CELSR2: variants seen among roughly 807,000 people sequenced by gnomAD.
CELSR2 encodes the protein EGF-like protein 2.
Under a neutral mutation model 251.6 loss-of-function variants are expected in CELSR2, and 81 were observed. That is an observed-to-expected ratio of 0.32 (90% CI 0.27 to 0.39). The LOEUF is 0.39. Ranked by LOEUF, CELSR2 falls within the 10% of genes least tolerant of loss-of-function variation. The pLI is 1.00. For missense variants in CELSR2, 3,365 were observed against 3,947.7 expected (o/e 0.85, Z 3.96); for synonymous variants, 1,721 against 1,670.5 (o/e 1.03, Z -0.74).
rs1232091909 is a variant in CELSR2 at position 109,269,479 on chromosome 1, G to T, written c.6868G>T (p.Asp2290Tyr). Residue 2290 changes from aspartate (D) to tyrosine (Y), a missense_variant, in exon 21 of 34, where the codon GAT becomes TAT. Physicochemically the swap from Asp to Tyr is radical, Grantham distance 160. Transcript: ENST00000271332. This position sits in a 1 kb window ranked among gnomAD's most constrained non-coding sequence, Gnocchi z 6.4. ...CGTGGTGAGCATCAGCGTCCATGATGATGAGGAGCTTCTGCCCCGGGCCCT... is the reference window on the plus strand; with the variant it reads ...CGTGGTGAGCATCAGCGTCCATGATTATGAGGAGCTTCTGCCCCGGGCCCT... Reference protein sequence around the residue: ...TPVVSISVHDDEELLPRALDK... With the variant: ...TPVVSISVHDYEELLPRALDK... The T allele has an allele frequency of 1.2e-6, 2 of 1,614,120 alleles. No individual in the cohort carries two copies. The highest frequency in any genetic ancestry group is 4.5e-5 in the East Asian group (2 of 44,882).
rs747001555 is a variant in CELSR2, at chr1:109,259,073, T to C, written c.3952T>C (p.Tyr1318His). 1.9e-6 allele frequency: 3 copies of C among 1,578,832 alleles called. No homozygotes were observed. The highest frequency in any genetic ancestry group is 1.7e-6 in the Non-Finnish European group (2 of 1,166,902). ...CTACACCTGCCTCTGTCGTGATGGC[T>C]ACACGGGTGAGCCAAGGGAGGGGAC... ...GGYTCLCRDGYTGEHCEVSAR... is the reference protein window; with the variant it reads ...GGYTCLCRDGHTGEHCEVSAR... The change falls in exon 2 of 34, where the codon TAC (tyrosine) becomes CAC (histidine). Residue 1318 changes from tyrosine (Y) to histidine (H), a missense_variant. Physicochemically the swap from Tyr to His is moderately conservative, Grantham distance 83. Coordinates refer to ENST00000271332, the MANE Select transcript of CELSR2 (RefSeq NM_001408.3).
Position 109,262,966 on chromosome 1 carries a change from C to G in CELSR2, c.4705C>G (p.Pro1569Ala). 6.2e-7 allele frequency: 1 copy of G among 1,612,102 alleles called. No homozygotes were observed. Among genetic ancestry groups the G allele is most frequent in the South Asian group, 1.1e-5 (1 of 91,050 alleles). ...CTTCATTGCCAACAATGGCACCGTG[C>G]CTGGTATGGGGGCCCGGGGTGGAGC... Reference protein sequence around the residue: ...ADFIANNGTVPGCPAKKNVCD... With the variant: ...ADFIANNGTVAGCPAKKNVCD... The change falls in exon 7 of 34, where the codon CCT becomes GCT. Residue 1569 changes from proline (P) to alanine (A), a missense_variant. By Grantham distance (27) the Pro-to-Ala change is conservative. Around this residue, in one of 5 missense-constraint regions of CELSR2, gnomAD observed 2,093 missense variants for 2,382.8 expected, o/e 0.88. Transcript: ENST00000271332.
rs1176381555 is a variant in CELSR2, at chr1:109,267,801, G to A, written c.6109-50G>A. ...GTCTCTCACCTCCTGAGGTCCTTTT[G>A]CTCCAGAGTTCCTGCCCTCACTCCT... On this transcript the variant is annotated intron_variant, in intron 16 of 33. Transcript: ENST00000271332. 10 of 1,584,180 alleles carry A rather than the reference G, an allele frequency of 6.3e-6. No individual in the cohort carries two copies. In the Admixed American group the frequency reaches 8.4e-5, roughly 13 times the overall value.
rs542791167 is a variant in CELSR2, at chr1:109,269,368, G to A, written c.6813-56G>A. ...CTGAGGCATGGAGGGGGTCGGGGGC[G>A]TCTCCCCAGTCATGTGACTGCCGTG... On this transcript the variant is annotated intron_variant, in intron 20 of 33. Transcript: ENST00000271332. This position sits in a 1 kb window ranked among gnomAD's most constrained non-coding sequence, Gnocchi z 6.4. The A allele has an allele frequency of 7.8e-5, 125 of 1,608,596 alleles. 2 individuals carry two copies. In the South Asian group the frequency reaches 1.1e-3, roughly 14 times the overall value.
rs1329083144 is a variant in CELSR2, at chr1:109,251,596, T to C, written c.1517T>C (p.Val506Ala). The change falls in exon 1 of 34, where the codon GTC becomes GCC. Residue 506 changes from valine to alanine, a missense_variant. Val to Ala is a moderately conservative substitution (Grantham distance 64). Coordinates refer to ENST00000271332, the MANE Select transcript of CELSR2 (RefSeq NM_001408.3). The surrounding 1 kb of genome is among the most constrained non-coding windows in gnomAD (Gnocchi z 4.9). ...ATCAACGACAATGCCCCCATCTTCG[T>C]CAGCACCCCTTTCCAGGCTACTGTC... The part of the protein sequence containing the change: ...LDINDNAPIF[V>A]STPFQATVLE... 3 of 1,613,858 alleles carry C rather than the reference T, an allele frequency of 1.9e-6. No individual in the cohort carries two copies. In the South Asian group the frequency reaches 3.3e-5, roughly 18 times the overall value.
chr1:109,250,562 G>T lies in CELSR2; in HGVS notation c.483G>T (p.Arg161Ser), dbSNP rs747898778. 1.9e-6 allele frequency: 3 copies of T among 1,613,912 alleles called. No individual in the cohort carries two copies. The part of the protein sequence containing the change: ...AQAPGLRAGE[R>S]SPEESLGGRR... Reference sequence around the variant, plus strand: ...CCCCCGGGCTCAGGGCAGGGGAAAGGTCACCAGAAGAGTCCCTGGGTGGGC... The same window carrying T: ...CCCCCGGGCTCAGGGCAGGGGAAAGTTCACCAGAAGAGTCCCTGGGTGGGC... The change falls in exon 1 of 34, where the codon AGG (arginine) becomes AGT (serine). Residue 161 changes from arginine to serine, a missense_variant. Physicochemically the swap from Arg to Ser is moderately radical, Grantham distance 110. This residue lies in a region of CELSR2 where 704 missense variants were observed against 784.1 expected (regional missense o/e 0.90). Coordinates refer to ENST00000271332, the MANE Select transcript of CELSR2 (RefSeq NM_001408.3). The surrounding 1 kb of genome is among the most constrained non-coding windows in gnomAD (Gnocchi z 4.4).
At position 109,271,799 on chromosome 1, in the gene CELSR2, C is replaced by T. The variant is rs1570794588; in HGVS notation, c.7926+77C>T. On this transcript the variant is annotated intron_variant, in intron 28 of 33. Coordinates refer to ENST00000271332, the MANE Select transcript of CELSR2 (RefSeq NM_001408.3). ...GGCCCAGTGAGCCTGTACTTTTGGC[C>T]CCACTCCCCTTTCTCTTTTCTCCAT... 5.9e-6 allele frequency: 9 copies of T among 1,532,582 alleles called. No individual in the cohort carries two copies. In the East Asian group the frequency reaches 2.1e-4, roughly 36 times the overall value. 94.9% of individuals were successfully genotyped at this position (1,532,582 alleles called of 1,614,324 possible). A position where few individuals can be genotyped will look rare whatever the true frequency, so the allele number is the denominator to read the frequency against.
At chr1:109,270,658 A>C in intron 24 of CELSR2, 58 bp downstream of exon 24, 2 of 1,576,720 alleles carry the variant, frequency 1.3e-6, no homozygotes, top group East Asian at 2.3e-5. Context: ...CCTTTGTGCC[A>C]TGTTCTCTCC....
rs1441268100 is a variant in CELSR2 at position 109,267,618 on chromosome 1, C to T, written c.6084C>T (p.Ile2028=). 1 of 1,614,206 alleles carries T rather than the reference C, an allele frequency of 6.2e-7. No individual in the cohort carries two copies. The highest frequency in any genetic ancestry group is 1.1e-5 in the South Asian group (1 of 91,090). Residue 2028 remains isoleucine, a synonymous_variant, in exon 16 of 34, where the codon ATC becomes ATT. Transcript: ENST00000271332. Reference sequence around the variant, plus strand: ...CAAACCTCTTCAACTGCACGTCCATCACCTTCTCAGAACTGAAGGGCTTCG... The same window carrying T: ...CAAACCTCTTCAACTGCACGTCCATTACCTTCTCAGAACTGAAGGGCTTCG... ...LPPNLFNCTS[I]TFSELKGFAE...
rs369051823 is a variant in CELSR2, at chr1:109,258,711, C to T, written c.3590C>T (p.Pro1197Leu). 22 of 1,552,694 alleles carry T rather than the reference C, an allele frequency of 1.4e-5. No individual in the cohort carries two copies. The highest frequency in any genetic ancestry group is 1.4e-5 in the Non-Finnish European group (16 of 1,147,942). Reference sequence around the variant, plus strand: ...CAGCCGCCAGGGCCCGGGGGCGGGCCGCCCTTCCTGCCCTCTGAGGACCTG... The same window carrying T: ...CAGCCGCCAGGGCCCGGGGGCGGGCTGCCCTTCCTGCCCTCTGAGGACCTG... ...VGQPPGPGGG[P>L]PFLPSEDLQE... The change falls in exon 2 of 34, where the codon CCG becomes CTG. Residue 1197 changes from proline (P) to leucine (L), a missense_variant. By Grantham distance (98) the Pro-to-Leu change is moderately conservative. Around this residue, in one of 5 missense-constraint regions of CELSR2, gnomAD observed 2,093 missense variants for 2,382.8 expected, o/e 0.88. Transcript: ENST00000271332.
At position 109,274,364 on chromosome 1, in the gene CELSR2, G is replaced by T; in HGVS notation, c.*315G>T. Reference sequence around the variant, plus strand: ...GGATCTCCACTCTTCATGACTTCAGGGATTCATTTTTTTTATACGCTGGAA... The same window carrying T: ...GGATCTCCACTCTTCATGACTTCAGTGATTCATTTTTTTTATACGCTGGAA... On this transcript the variant is annotated 3_prime_UTR_variant, in exon 34 of 34. Transcript: ENST00000271332. 4.3e-6 allele frequency: 2 copies of T among 468,704 alleles called. No homozygotes were observed. Among genetic ancestry groups the T allele is most frequent in the South Asian group, 4.3e-5 (1 of 23,414 alleles). 29.0% of individuals were successfully genotyped at this position (468,704 alleles called of 1,614,324 possible). A position where few individuals can be genotyped will look rare whatever the true frequency, so the allele number is the denominator to read the frequency against.
rs761151139 is a variant in CELSR2 at position 109,263,618 on chromosome 1, C to G, written c.4842C>G (p.Ala1614=). 1 of 1,613,728 alleles carries G rather than the reference C, an allele frequency of 6.2e-7. No homozygotes were observed. Among genetic ancestry groups the G allele is most frequent in the Admixed American group, 1.7e-5 (1 of 59,990 alleles). Residue 1614 remains alanine, a synonymous_variant, in exon 9 of 34, where the codon GCC becomes GCG. Coordinates refer to ENST00000271332, the MANE Select transcript of CELSR2 (RefSeq NM_001408.3). The part of the protein sequence containing the change: ...FGGKSCAQEM[A]NPQHFLGSSL... ...CTTTTCCTGCCTCCCCAGAAATGGC[C>G]AATCCACAGCACTTCCTGGGCAGCA... is the stretch of plus-strand genomic sequence containing the variant.
rs368529772 is a variant in CELSR2 at position 109,268,989 on chromosome 1, G to A, written c.6612G>A (p.Leu2204=). The change falls in exon 19 of 34, where the codon CTG becomes CTA. Residue 2204 remains leucine, a synonymous_variant. Transcript: ENST00000271332. ...CGGACCTTGAGACAACAGTCATTCT[G>A]CCTGAGTCTGTCTTCAGAGGTCAGT... is the stretch of plus-strand genomic sequence containing the variant. The part of the protein sequence containing the change: ...QPPDLETTVI[L]PESVFRETPP... The A allele has an allele frequency of 5.2e-5, 84 of 1,612,526 alleles. 1 individual carries two copies. The Middle Eastern group carries it at 3.1e-3, about 60-fold the overall frequency.
chr1:109,253,390 G>A lies in CELSR2; in HGVS notation c.3310+1G>A. Reference sequence around the variant, plus strand: ...GCCATCATGAGCGTGCTGGTGTCAGGTAAGGAAGGGCCCAGGTGGCGCTGG... The same window carrying A: ...GCCATCATGAGCGTGCTGGTGTCAGATAAGGAAGGGCCCAGGTGGCGCTGG... On this transcript the variant is annotated splice_donor_variant, in intron 1 of 33. Transcript: ENST00000271332. LOFTEE classifies it high-confidence loss of function. 6.2e-7 allele frequency: 1 copy of A among 1,611,048 alleles called. No individual in the cohort carries two copies. The highest frequency in any genetic ancestry group is 8.5e-7 in the Non-Finnish European group (1 of 1,179,122).
chr1:109,264,151 G>A lies in CELSR2; in HGVS notation c.5075G>A (p.Gly1692Asp), dbSNP rs149362463. ...GCCTCCTCTCTCCGTCTGGAGCCAG[G>A]CCGGGCCAATGACGGTGACTGGCAC... ...LQASSLRLEP[G>D]RANDGDWHHA... The change falls in exon 10 of 34, where the codon GGC becomes GAC. Residue 1692 changes from glycine to aspartate, a missense_variant. Physicochemically the swap from Gly to Asp is moderately conservative, Grantham distance 94. Coordinates refer to ENST00000271332, the MANE Select transcript of CELSR2 (RefSeq NM_001408.3). 612 of 1,609,322 alleles carry A rather than the reference G, an allele frequency of 3.8e-4. No homozygotes were observed. The highest frequency in any genetic ancestry group is 4.9e-4 in the Non-Finnish European group (572 of 1,176,860).
chr1:109,274,240 C>G lies in CELSR2; in HGVS notation c.*191C>G. ...CCCACCTAAGGCCATCTAGTGCCAA[C>G]TCCCCCCCCACCATTCCCCTCACTG... On this transcript the variant is annotated 3_prime_UTR_variant, in exon 34 of 34. Transcript: ENST00000271332. The G allele has an allele frequency of 2.2e-6, 3 of 1,377,428 alleles. No homozygotes were observed. Among genetic ancestry groups the G allele is most frequent in the Non-Finnish European group, 2.9e-6 (3 of 1,037,992 alleles). The allele number at this position is 1,377,428 out of a possible 1,614,324, so 85.3% of individuals were successfully genotyped here.
Position 109,270,250 on chromosome 1 carries a change from C to T in CELSR2, c.7308+117C>T, listed in dbSNP as rs927476987. 9.9e-6 allele frequency: 13 copies of T among 1,308,608 alleles called. No individual in the cohort carries two copies. In the African/African-American group the frequency reaches 1.2e-4, roughly 12 times the overall value. 81.1% of individuals were successfully genotyped at this position (1,308,608 alleles called of 1,614,324 possible). On this transcript the variant is annotated intron_variant, in intron 23 of 33. Coordinates refer to ENST00000271332, the MANE Select transcript of CELSR2 (RefSeq NM_001408.3). ...TCTAATAAGGTGCCTAGTGCAGCAC[C>T]TGGCCCAGGGTTTCCTCTTCTGTGG...
chr1:109,258,954 C>T lies in CELSR2; in HGVS notation c.3833C>T (p.Pro1278Leu). 6.2e-7 allele frequency: 1 copy of T among 1,611,458 alleles called. No individual in the cohort carries two copies. Among genetic ancestry groups the T allele is most frequent in the Non-Finnish European group, 8.5e-7 (1 of 1,179,616 alleles). ...GGAGGGCTGCGCTGCCGCTGCCCGCCCGGCTTCACGGGTGACTACTGCGAG... is the reference window on the plus strand; with the variant it reads ...GGAGGGCTGCGCTGCCGCTGCCCGCTCGGCTTCACGGGTGACTACTGCGAG... ...PVGGLRCRCP[P>L]GFTGDYCETE... The change falls in exon 2 of 34, where the codon CCC (proline) becomes CTC (leucine). Residue 1278 changes from proline (P) to leucine (L), a missense_variant. Pro to Leu is a moderately conservative substitution (Grantham distance 98). Around this residue, in one of 5 missense-constraint regions of CELSR2, gnomAD observed 2,093 missense variants for 2,382.8 expected, o/e 0.88. Transcript: ENST00000271332.
Position 109,271,270 on chromosome 1 carries a change from G to T in CELSR2, c.7650G>T (p.Arg2550=), listed in dbSNP as rs1268505523. 4 of 1,614,018 alleles carry T rather than the reference G, an allele frequency of 2.5e-6. No homozygotes were observed. Among genetic ancestry groups the T allele is most frequent in the East Asian group, 2.2e-5 (1 of 44,864 alleles). ...LAARASCAAQ[R]QGFEKKGPVS... is the part of the protein sequence containing the mutation. ...CCCGGGCCTCCTGTGCTGCCCAGCG[G>T]CAGGGCTTTGAGAAGAAAGGTCCTG... Residue 2550 remains arginine (R), a synonymous_variant, in exon 26 of 34, where the codon CGG becomes CGT. Transcript: ENST00000271332.
Sources: gnomAD v4.1 joint callset for allele counts on GRCh38, gnomAD v4.1.1 for gene constraint, gnomAD v4.1.1 regional missense constraint, Gnocchi (gnomAD v3.1) non-coding constraint, MANE v1.5 for transcripts, NCBI Gene and HGNC (gene_info 2026-07-23, HGNC 2026-07-21) for gene names.